MALRD1: variants seen among roughly 807,000 people sequenced by gnomAD.
MALRD1 encodes MAM and LDL receptor class A domain containing 1.
Under a neutral mutation model 242.1 loss-of-function variants are expected in MALRD1, and 247 were observed. The observed-to-expected ratio is 1.02, with a 90% CI of 0.92 to 1.13. The LOEUF (loss-of-function observed/expected upper bound fraction) is 1.13, where lower values mean the gene tolerates loss of function less well. Among genes scored for constraint, MALRD1 ranks in the 50% most tolerant of loss-of-function variants. The pLI is 0.00. For synonymous variants in MALRD1, 995 were observed against 866.6 expected, an observed-to-expected ratio of 1.15 and a Z score of -2.60; for missense variants, 2,989 against 2,533.1, an observed-to-expected ratio of 1.18 and a Z score of -3.86.
chr10:19,437,091 A>AT (rs5783675), intron 28 of MALRD1, among the ~76,000 whole-genome samples: 108,978 of 151,814 alleles, frequency 0.72, 39,253 homozygotes, highest in Non-Finnish European at 0.75. Flanking sequence ...AACGAGTGTG[A>AT]TTTTTTTGTA....
chr10:19,733,891 A>G lies in MALRD1; in HGVS notation c.6391-266A>G, dbSNP rs558262544. The stretch of plus-strand genomic sequence containing the variant: ...AGCACCAGAGAAAGCAGTAGTCGAA[A>G]TATTGGTCATTGCATTTCCCCACCC... On this transcript the variant is annotated intron_variant, in intron 39 of 39. Coordinates refer to ENST00000454679, the MANE Select transcript of MALRD1 (RefSeq NM_001142308.3). 3.0e-4 allele frequency among the ~76,000 whole-genome samples: 46 copies of G among 152,212 alleles called. No individual in the cohort carries two copies. In the South Asian group the frequency reaches 7.7e-3, roughly 25 times the overall value.
intron 26 of MALRD1, among the ~76,000 whole-genome samples, chr10:19,382,483 AT>A (rs1462292073): frequency 6.6e-6 from 1 of 152,200 alleles, no homozygotes; most frequent in African/African-American, 2.4e-5. Flanking sequence ...CTATTATGTA[AT>A]CACAAACTAG....
intron 12 of MALRD1, among the ~76,000 whole-genome samples, chr10:19,164,292 A>C (rs1834573888): frequency 6.6e-6 from 1 of 151,906 alleles, no homozygotes; most frequent in Non-Finnish European, 1.5e-5. Context: ...AAAAGCATTT[A>C]AAACATTTTT....
At chr10:19,609,428 C>G (rs980405145) in intron 35 of MALRD1, among the ~76,000 whole-genome samples, 15 of 152,100 alleles carry the variant, frequency 9.9e-5, no homozygotes, top group Non-Finnish European at 1.9e-4. Context: ...TTAAGCCTGA[C>G]CCACACTAAA....
intron 38 of MALRD1, among the ~76,000 whole-genome samples, chr10:19,700,021 G>GACACACACACACAC (rs58040272): frequency 3.5e-5 from 5 of 141,190 alleles, no homozygotes; most frequent in African/African-American, 1.3e-4. Context: ...AATTGATTTA[G>GACACACACACACAC]ACACACACAC....
intron 28 of MALRD1, among the ~76,000 whole-genome samples, chr10:19,394,758 C>A (rs544577245): frequency 2.0e-5 from 3 of 152,144 alleles, no homozygotes; most frequent in Non-Finnish European, 2.9e-5. Flanking sequence ...ATCATGTCGA[C>A]CTTCTAAAAG....
At chr10:19,566,298 ATTTTTTTT>A (rs10548629) in intron 32 of MALRD1, among the ~76,000 whole-genome samples, 2,324 of 111,120 alleles carry the variant, frequency 0.021, 22 homozygotes, top group Middle Eastern at 0.048. Flanking sequence ...TGCCTGGCTA[ATTTTTTTT>A]TTTTTTTTTT....
In MALRD1 at chr10:19,450,608, A is replaced by G. The variant is rs915611219; in HGVS notation, c.5029+118A>G. ...GTATTTTGTACACATACACAAATCA[A>G]TGGAAAGGTATAATTTTATAATTGT... On this transcript the variant is annotated intron_variant, in intron 29 of 39. Transcript: ENST00000454679. 9 of 853,928 alleles carry G rather than the reference A, an allele frequency of 1.1e-5. No individual in the cohort carries two copies. In the Admixed American group the frequency reaches 2.4e-4, roughly 22 times the overall value. The allele number at this position is 853,928 out of a possible 1,614,324, so 52.9% of individuals were successfully genotyped here. A position where few individuals can be genotyped will look rare whatever the true frequency, so the allele number is the denominator to read the frequency against.
intron 18 of MALRD1, among the ~76,000 whole-genome samples, chr10:19,217,007 T>A (rs983470465): frequency 2.0e-5 from 3 of 151,970 alleles, no homozygotes; most frequent in Non-Finnish European, 4.4e-5. Flanking sequence ...GCCAAACCAA[T>A]GGCTCTTATA....
intron 33 of MALRD1, among the ~76,000 whole-genome samples, chr10:19,568,439 C>T (rs1361486386): frequency 6.6e-6 from 1 of 151,954 alleles, no homozygotes; most frequent in African/African-American, 2.4e-5. Flanking sequence ...TTGTTCTTCT[C>T]ATAGTTTTTC....
At position 19,286,441 on chromosome 10, in the gene MALRD1, T is replaced by A. The variant is rs1019260982; in HGVS notation, c.3419+3260T>A. On this transcript the variant is annotated intron_variant, in intron 21 of 39. Transcript: ENST00000454679. ...GAAATACGTCCCATCAATACCTAAT[T>A]TATTGAGAGGTTTTAGCATGAAGGT... is the stretch of plus-strand genomic sequence containing the variant. Among the ~76,000 whole-genome samples the A allele has an allele frequency of 4.9e-3, 753 of 152,170 alleles. 10 individuals carry two copies. Among genetic ancestry groups the A allele is most frequent in the African/African-American group, 0.018 (730 of 41,514 alleles).
chr10:19,573,115 C>T (rs1041564744), intron 33 of MALRD1, among the ~76,000 whole-genome samples: 2 of 152,188 alleles, frequency 1.3e-5, no homozygotes, highest in South Asian at 4.1e-4. Flanking sequence ...CTCTTGTTTG[C>T]TGTCTGGGAA....
chr10:19,628,154 A>G (rs948824368), intron 36 of MALRD1, among the ~76,000 whole-genome samples: 3 of 152,104 alleles, frequency 2.0e-5, no homozygotes, highest in African/African-American at 7.3e-5. Context: ...TTATGAGACT[A>G]TAGAAACACT....
At chr10:19,733,035 C>T (rs1835359205) in intron 39 of MALRD1, among the ~76,000 whole-genome samples, 1 of 152,126 alleles carries the variant, frequency 6.6e-6, no homozygotes, top group Non-Finnish European at 1.5e-5. Flanking sequence ...GTTTCAGAAA[C>T]AAATGACTTT....
Position 19,331,523 on chromosome 10 carries a change from A to C in MALRD1, c.3842A>C (p.Lys1281Thr). ...AATAAGCACTGCATTGCCAAAGACA[A>C]GCTGTGTGATTTTGTGAATGATTGT... ...CANKHCIAKDKLCDFVNDCAD... is the reference protein window; with the variant it reads ...CANKHCIAKDTLCDFVNDCAD... Residue 1281 changes from lysine (K) to threonine (T), a missense_variant, in exon 24 of 40, where the codon AAG (lysine) becomes ACG (threonine). Physicochemically the swap from Lys to Thr is moderately conservative, Grantham distance 78. Transcript: ENST00000454679. 6.5e-7 allele frequency: 1 copy of C among 1,550,330 alleles called. No individual in the cohort carries two copies. The highest frequency in any genetic ancestry group is 8.7e-7 in the Non-Finnish European group (1 of 1,146,810).
chr10:19,361,626 C>T (rs565050444), intron 26 of MALRD1, among the ~76,000 whole-genome samples: 2 of 152,188 alleles, frequency 1.3e-5, no homozygotes, highest in South Asian at 4.1e-4. Context: ...CAGAAGATCT[C>T]TAATTTCCCA....
intron 28 of MALRD1, among the ~76,000 whole-genome samples, chr10:19,395,728 T>C (rs1846548900): frequency 1.3e-5 from 2 of 152,354 alleles, no homozygotes; most frequent in South Asian, 4.1e-4. Flanking sequence ...TCTAGTTATA[T>C]AAAATAAATA....
chr10:19,128,491 T>C, intron 8 of MALRD1, 104 bp downstream of exon 8: 1 of 704,888 alleles, frequency 1.4e-6, no homozygotes, highest in Non-Finnish European at 2.0e-6. Flanking sequence ...GCTTTTATTC[T>C]TTAACTTGAC....
intron 5 of MALRD1, among the ~76,000 whole-genome samples, chr10:19,105,920 C>G (rs533772517): frequency 6.6e-6 from 1 of 151,694 alleles, no homozygotes; most frequent in Non-Finnish European, 1.5e-5. Flanking sequence ...AGAATTGACC[C>G]CTTATTAGAT....
Sources: gnomAD v4.1 joint callset for allele counts (sites outside exome capture counted in the v4.1 genomes callset) on GRCh38, gnomAD v4.1.1 for gene constraint, MANE v1.5 for transcripts, NCBI Gene and HGNC (gene_info 2026-07-23, HGNC 2026-07-21) for gene names.